GAS2L2: variants seen among roughly 807,000 people sequenced by gnomAD.
The protein encoded by GAS2L2 is GAS2-like protein 2.
Under a neutral mutation model 35.2 loss-of-function variants are expected in GAS2L2, and 21 were observed. The observed-to-expected ratio is 0.60, with a 90% confidence interval of 0.42 to 0.86. The LOEUF (loss-of-function observed/expected upper bound fraction) is 0.86, where lower values mean the gene tolerates loss of function less well. GAS2L2 is among the 40% of genes least tolerant of loss of function. GAS2L2 has a pLI of 0.00. For synonymous variants in GAS2L2, 490 were observed against 473.2 expected, an observed-to-expected ratio of 1.04 and a Z score of -0.46; for missense variants, 1,169 against 1,144.4, an observed-to-expected ratio of 1.02 and a Z score of -0.31.
chr17:35,750,101 G>A lies in GAS2L2; in HGVS notation c.603C>T (p.Cys201=), dbSNP rs782649031. The part of the protein sequence containing the change: ...SPPAPPRRQP[C]HFRNLDQMVQ... The stretch of plus-strand genomic sequence containing the variant: ...CCATCTGGTCCAGGTTGCGGAAGTG[G>A]CAGGGCTGGCGCCTGGGGGGCGCTG... Residue 201 remains cysteine (C), a synonymous_variant, in exon 2 of 6, where the codon TGC becomes TGT. Coordinates refer to ENST00000604641, the MANE Select transcript of GAS2L2 (RefSeq NM_139285.4). The A allele has an allele frequency of 6.2e-7, 1 of 1,600,180 alleles. No individual in the cohort carries two copies.
chr17:35,749,452 G>A (rs1182569515), intron 2 of GAS2L2, among the ~76,000 whole-genome samples: 2 of 152,146 alleles, frequency 1.3e-5, no homozygotes, highest in African/African-American at 2.4e-5. Flanking sequence ...AGAGTGCCAC[G>A]GGGGGACTGT....
At chr17:35,750,550 AG>A (rs781964139) in intron 1 of GAS2L2, among the ~76,000 whole-genome samples, 6 of 152,164 alleles carry the variant, frequency 3.9e-5, no homozygotes, top group Non-Finnish European at 8.8e-5. Flanking sequence ...ATCTCACAGG[AG>A]AGGCTGCGGG....
chr17:35,745,902 C>CA lies in GAS2L2; in HGVS notation c.1594_1595insT (p.Gly532ValfsTer72), dbSNP rs1266051710. On this transcript the variant is annotated frameshift_variant, in exon 6 of 6. Transcript: ENST00000604641. LOFTEE classifies it low-confidence loss of function (END_TRUNC). ...GGCCCTTAGTGGGATGGGGTCTCTC[C>CA]CAAGTTCTGTCCTGGGACTTCCACT... 1 of 1,613,128 alleles carries CA rather than the reference C, an allele frequency of 6.2e-7. No homozygotes were observed. The highest frequency in any genetic ancestry group is 8.5e-7 in the Non-Finnish European group (1 of 1,180,004).
chr17:35,745,567 A>T lies in GAS2L2; in HGVS notation c.1930T>A (p.Trp644Arg). 1 of 1,613,684 alleles carries T rather than the reference A, an allele frequency of 6.2e-7. No homozygotes were observed. Among genetic ancestry groups the T allele is most frequent in the South Asian group, 1.1e-5 (1 of 91,084 alleles). Reference protein sequence around the residue: ...GVYIPRLAGQWPEPGGPYDKA... With the variant: ...GVYIPRLAGQRPEPGGPYDKA... ...TCATAAGGACCCCCAGGCTCAGGCC[A>T]CTGCCCAGCCAGCCTGGGGATGTAG... is the stretch of plus-strand genomic sequence containing the variant. Residue 644 changes from tryptophan to arginine, a missense_variant, in exon 6 of 6, where the codon TGG becomes AGG. By Grantham distance (101) the Trp-to-Arg change is moderately radical. This residue lies in a region of GAS2L2 where 1,035 missense variants were observed against 976.5 expected (regional missense o/e 1.06). Transcript: ENST00000604641.
In GAS2L2 at chr17:35,746,022, C is replaced by T. The variant is rs782722323; in HGVS notation, c.1475G>A (p.Arg492His). 51 of 1,556,660 alleles carry T rather than the reference C, an allele frequency of 3.3e-5. No individual in the cohort carries two copies. Among genetic ancestry groups the T allele is most frequent in the Admixed American group, 1.5e-4 (8 of 54,304 alleles). The change falls in exon 6 of 6, where the codon CGT becomes CAT. Residue 492 changes from arginine (R) to histidine (H), a missense_variant. Physicochemically the swap from Arg to His is conservative, Grantham distance 29 (BLOSUM62 0). Coordinates refer to ENST00000604641, the MANE Select transcript of GAS2L2 (RefSeq NM_139285.4). The part of the protein sequence containing the change: ...FFQFREPESV[R>H]SPTPVQGLTK... ...TAGGCCTTGGACAGGGGTTGGAGAA[C>T]GGACAGACTCTGGCTCCCTGAACTG...
Position 35,746,189 on chromosome 17 carries a change from G to A in GAS2L2, c.1308C>T (p.Thr436=). Residue 436 remains threonine (T), a synonymous_variant, in exon 6 of 6, where the codon ACC becomes ACT. Transcript: ENST00000604641. ...CCTCAATGGCTCGGAGTCTTTGTGG[G>A]GTGGGGTTCCCGGCGTCGGTTCCCC... ...DSWGTDAGNP[T]PQRLRAIEAT... 8.8e-6 allele frequency: 13 copies of A among 1,481,212 alleles called. No individual in the cohort carries two copies. The highest frequency in any genetic ancestry group is 1.1e-5 in the Non-Finnish European group (12 of 1,114,458). The allele number at this position is 1,481,212 out of a possible 1,614,324, so 91.8% of individuals were successfully genotyped here.
intron 1 of GAS2L2, among the ~76,000 whole-genome samples, chr17:35,751,739 A>G (rs77661766): frequency 0.021 from 3,212 of 150,612 alleles, 74 homozygotes; most frequent in East Asian, 0.12. Context: ...ATTCCACCTA[A>G]TCAGGCTGCT....
At chr17:35,750,981 T>G (rs587757533) in intron 1 of GAS2L2, among the ~76,000 whole-genome samples, 1 of 152,194 alleles carries the variant, frequency 6.6e-6, no homozygotes, top group African/African-American at 2.4e-5. Flanking sequence ...AAGCATTCCT[T>G]AAAGCACTAG....
At position 35,745,923 on chromosome 17, in the gene GAS2L2, C is replaced by G. The variant is rs1305855478; in HGVS notation, c.1574G>C (p.Gly525Ala). The G allele has an allele frequency of 2.5e-6, 4 of 1,611,526 alleles. No homozygotes were observed. In the African/African-American group the frequency reaches 5.3e-5, roughly 22 times the overall value. Residue 525 changes from glycine to alanine, a missense_variant, in exon 6 of 6, where the codon GGA becomes GCA. Coordinates refer to ENST00000604641, the MANE Select transcript of GAS2L2 (RefSeq NM_139285.4). ...PGRSFPGATSGSPRTELGRDP... is the reference protein window; with the variant it reads ...PGRSFPGATSASPRTELGRDP... ...TCTCCCAAGTTCTGTCCTGGGACTTCCACTTGTAGCACCAGGAAAGCTCCT... is the reference window on the plus strand; with the variant it reads ...TCTCCCAAGTTCTGTCCTGGGACTTGCACTTGTAGCACCAGGAAAGCTCCT...
rs149382781 is a variant in GAS2L2 at position 35,745,064 on chromosome 17, G to A, written c.2433C>T (p.Pro811=). The change falls in exon 6 of 6, where the codon CCC becomes CCT. Residue 811 remains proline, a synonymous_variant. Transcript: ENST00000604641. ...GCACAGCTCTCAACAGCCTGTCCTT[G>A]GGGGGCTGCCTGGCTGGACCCAGGA... ...YVFLGPARQP[P]KDRLLRAVLG... is the part of the protein sequence containing the mutation. 2.6e-3 allele frequency: 4,222 copies of A among 1,613,828 alleles called. 8 individuals are homozygous for A. Among genetic ancestry groups the A allele is most frequent in the Non-Finnish European group, 3.2e-3 (3,802 of 1,179,950 alleles).
In GAS2L2 at chr17:35,745,419, T is replaced by C. The variant is rs1327549079; in HGVS notation, c.2078A>G (p.Lys693Arg). Residue 693 changes from lysine to arginine, a missense_variant, in exon 6 of 6, where the codon AAA (lysine) becomes AGA (arginine). Transcript: ENST00000604641. The stretch of plus-strand genomic sequence containing the variant: ...ACTCTGTCTGGCTCCCAACTTCCCT[T>C]TGAGGCTTCCCGGTCCTGGGGTAAC... ...PAVTPGPGSL[K>R]GKLGARQSGP... 5.1e-6 allele frequency: 8 copies of C among 1,572,676 alleles called. No individual in the cohort carries two copies. Among genetic ancestry groups the C allele is most frequent in the Non-Finnish European group, 6.0e-6 (7 of 1,158,722 alleles).
chr17:35,747,838 A>G lies in GAS2L2; in HGVS notation c.832+11T>C, dbSNP rs782794658. On this transcript the variant is annotated intron_variant, in intron 4 of 5. Transcript: ENST00000604641. The stretch of plus-strand genomic sequence containing the variant: ...CCAACCCCACAGGGAGAGGGCCCTC[A>G]GGGGACTCACAGAGGGATGTGCAGC... The G allele has an allele frequency of 1.9e-6, 3 of 1,607,354 alleles. No homozygotes were observed. In the East Asian group the frequency reaches 6.7e-5, roughly 36 times the overall value.
Position 35,746,378 on chromosome 17 carries a change from C to A in GAS2L2, c.1119G>T (p.Arg373Ser). The change falls in exon 6 of 6, where the codon AGG (arginine) becomes AGT (serine). Residue 373 changes from arginine to serine, a missense_variant. Arg to Ser is a moderately radical substitution (Grantham distance 110, BLOSUM62 -1). Transcript: ENST00000604641. ...CQERSLIPSW[R>S]QPTAGDSPPS... ...GTGGGCTGTCCCCAGCTGTCGGCTG[C>A]CTCCAAGATGGGATGAGAGACCTCT... is the stretch of plus-strand genomic sequence containing the variant. 7.4e-7 allele frequency: 1 copy of A among 1,348,436 alleles called. No individual in the cohort carries two copies. 83.5% of individuals were successfully genotyped at this position (1,348,436 alleles called of 1,614,324 possible). A position where few individuals can be genotyped will look rare whatever the true frequency, so the allele number is the denominator to read the frequency against.
Position 35,746,749 on chromosome 17 carries a change from T to G in GAS2L2, c.1085+267A>C, listed in dbSNP as rs1254642057. On this transcript the variant is annotated intron_variant, in intron 5 of 5. Transcript: ENST00000604641. ...CAGAGGGGAATGCACAGTCTCTGTC[T>G]TAGTCTCTGCTCTACCATGAAATGG... Among the ~76,000 whole-genome samples the G allele has an allele frequency of 2.0e-5, 3 of 152,174 alleles. No homozygotes were observed. In the East Asian group the frequency reaches 5.8e-4, roughly 29 times the overall value.
At position 35,745,485 on chromosome 17, in the gene GAS2L2, T is replaced by A; in HGVS notation, c.2012A>T (p.Glu671Val). 6.3e-7 allele frequency: 1 copy of A among 1,599,800 alleles called. No homozygotes were observed. The highest frequency in any genetic ancestry group is 8.5e-7 in the Non-Finnish European group (1 of 1,171,010). Residue 671 changes from glutamate to valine, a missense_variant, in exon 6 of 6, where the codon GAA (glutamate) becomes GTA (valine). Physicochemically the swap from Glu to Val is moderately radical, Grantham distance 121 (BLOSUM62 -2). Coordinates refer to ENST00000604641, the MANE Select transcript of GAS2L2 (RefSeq NM_139285.4). ...GCCAGTCGGGGCTGCCTTCCAGGCT[T>A]CCAGGTCCACTTTAAGGAGGGATGG... is the stretch of plus-strand genomic sequence containing the variant. ...GSPSLLKVDL[E>V]AWKAAPTGSP...
At position 35,746,118 on chromosome 17, in the gene GAS2L2, C is replaced by T. The variant is rs200474178; in HGVS notation, c.1379G>A (p.Arg460His). ...ISARGPSPLP[R>H]SFGPAECLGL... is the part of the protein sequence containing the mutation. ...CAGGCACTCGGCTGGGCCAAAGGAA[C>T]GAGGCAGGGGAGATGGTCCTCTTGC... The change falls in exon 6 of 6, where the codon CGT becomes CAT. Residue 460 changes from arginine to histidine, a missense_variant. Around this residue, in one of 3 missense-constraint regions of GAS2L2, gnomAD observed 1,035 missense variants for 976.5 expected, o/e 1.06. Coordinates refer to ENST00000604641, the MANE Select transcript of GAS2L2 (RefSeq NM_139285.4). The T allele has an allele frequency of 1.6e-4, 237 of 1,513,686 alleles. 2 individuals are homozygous for T. In the South Asian group the frequency reaches 2.5e-3, roughly 16 times the overall value. The allele number at this position is 1,513,686 out of a possible 1,614,324, so 93.8% of individuals were successfully genotyped here.
rs1555598823 is a variant in GAS2L2 at position 35,745,764 on chromosome 17, A to C, written c.1733T>G (p.Leu578Arg). Residue 578 changes from leucine to arginine, a missense_variant, in exon 6 of 6, where the codon CTG (leucine) becomes CGG (arginine). Around this residue, in one of 3 missense-constraint regions of GAS2L2, gnomAD observed 1,035 missense variants for 976.5 expected, o/e 1.06. Coordinates refer to ENST00000604641, the MANE Select transcript of GAS2L2 (RefSeq NM_139285.4). ...CCGCCCCTCCTGCTCCTGTAGGCCC[A>C]GGTCCCAGGACTCTCTGGCCTCTGC... ...VMAEARESWD[L>R]GLQEQEGRYT... is the part of the protein sequence containing the mutation. The C allele has an allele frequency of 6.2e-7, 1 of 1,613,794 alleles. No individual in the cohort carries two copies. The highest frequency in any genetic ancestry group is 8.5e-7 in the Non-Finnish European group (1 of 1,180,036).
intron 2 of GAS2L2, 58 bp from the exon 3 acceptor site, chr17:35,749,275 G>A: frequency 8.8e-7 from 1 of 1,140,586 alleles, no homozygotes; most frequent in Non-Finnish European, 1.3e-6. Flanking sequence ...CAAAATGGGG[G>A]GCCTACCTGC....
chr17:35,745,828 C>T lies in GAS2L2; in HGVS notation c.1669G>A (p.Val557Met), dbSNP rs782663473. ...GSTHGDCSVE[V>M]RQEDQQLDIQ... Reference sequence around the variant, plus strand: ...TCCAGCTGCTGGTCCTCCTGCCTCACTTCCACAGAGCAGTCCCCATGCGTG... The same window carrying T: ...TCCAGCTGCTGGTCCTCCTGCCTCATTTCCACAGAGCAGTCCCCATGCGTG... Residue 557 changes from valine (V) to methionine (M), a missense_variant, in exon 6 of 6, where the codon GTG becomes ATG. Val to Met is a conservative substitution (Grantham distance 21, BLOSUM62 1). Around this residue, in one of 3 missense-constraint regions of GAS2L2, gnomAD observed 1,035 missense variants for 976.5 expected, o/e 1.06. Transcript: ENST00000604641. 1 of 1,613,790 alleles carries T rather than the reference C, an allele frequency of 6.2e-7. No individual in the cohort carries two copies. The highest frequency in any genetic ancestry group is 1.3e-5 in the African/African-American group (1 of 74,946).
Sources: gnomAD v4.1 joint callset for allele counts (sites outside exome capture counted in the v4.1 genomes callset) on GRCh38, gnomAD v4.1.1 for gene constraint, gnomAD v4.1.1 regional missense constraint, MANE v1.5 for transcripts, NCBI Gene and HGNC (gene_info 2026-07-23, HGNC 2026-07-21) for gene names.